The following CCR3 variants were observed in gnomAD, a reference collection of about 807,000 sequenced individuals.
CCR3 encodes the protein C-C chemokine receptor type 3.
For synonymous variants in CCR3, 203 were observed against 179.2 expected (o/e 1.13, Z -1.06); for missense variants, 419 against 437.5 (o/e 0.96, Z 0.38).
chr3:46,250,542 A>G (rs1423269087), intron 1 of CCR3, among the ~76,000 whole-genome samples: 3 of 152,116 alleles, frequency 2.0e-5, no homozygotes, highest in African/African-American at 4.8e-5. Flanking sequence ...ATTTTAAGAC[A>G]AGAATTATTT....
At chr3:46,235,217 G>T (rs1370649969) in intron 2 of CCR3, among the ~76,000 whole-genome samples, 1 of 152,036 alleles carries the variant, frequency 6.6e-6, no homozygotes, top group East Asian at 1.9e-4. Context: ...ATCTTAACTT[G>T]CTCAGATCCC....
At chr3:46,242,970 T>TGTAAAATTATATAC (rs1240975760) in intron 1 of CCR3, among the ~76,000 whole-genome samples, 1 of 106,102 alleles carries the variant, frequency 9.4e-6, no homozygotes, top group Non-Finnish European at 1.9e-5. Context: ...TGTGTATATA[T>TGTAAAATTATATAC]ATATATATAC....
chr3:46,253,302 T>C (rs1700353784), intron 1 of CCR3, among the ~76,000 whole-genome samples: 1 of 152,184 alleles, frequency 6.6e-6, no homozygotes, highest in African/African-American at 2.4e-5. Context: ...TGAGTGGTGG[T>C]TGAATTTGCA....
intron 2 of CCR3, among the ~76,000 whole-genome samples, chr3:46,214,819 G>A (rs1699755239): frequency 6.6e-6 from 1 of 152,120 alleles, no homozygotes; most frequent in South Asian, 2.1e-4. Flanking sequence ...ACAGTGAAGT[G>A]CTTAGCAGAA....
chr3:46,263,211 T>A (rs1700559254), intron 1 of CCR3, among the ~76,000 whole-genome samples: 1 of 152,228 alleles, frequency 6.6e-6, no homozygotes, highest in Non-Finnish European at 1.5e-5. Context: ...TGACCTGTTT[T>A]TAAATCACTC....
chr3:46,235,164 T>C (rs1439137428), intron 2 of CCR3, among the ~76,000 whole-genome samples: 2 of 152,228 alleles, frequency 1.3e-5, no homozygotes, highest in African/African-American at 4.8e-5. Flanking sequence ...TGTGGTTTAA[T>C]TAACAGGCTT....
chr3:46,235,707 G>T (rs2125925830), intron 2 of CCR3, among the ~76,000 whole-genome samples: 1 of 152,296 alleles, frequency 6.6e-6, no homozygotes, highest in South Asian at 2.1e-4. Context: ...CTGCATTCAA[G>T]CAAATAAGGA....
intron 2 of CCR3, among the ~76,000 whole-genome samples, chr3:46,228,137 C>T (rs183489759): frequency 1.3e-5 from 2 of 151,598 alleles, no homozygotes; most frequent in African/African-American, 4.8e-5. Flanking sequence ...CAAACTCTTT[C>T]CCACCTACTG....
chr3:46,242,341 A>T (rs964635406), upstream of CCR3: 4 of 152,164 alleles, frequency 2.6e-5, no homozygotes, highest in Non-Finnish European at 5.9e-5. Flanking sequence ...ACAGGAAGTT[A>T]TATACTTACA....
At chr3:46,254,406 G>T (rs1700375145) in intron 1 of CCR3, among the ~76,000 whole-genome samples, 2 of 152,116 alleles carry the variant, frequency 1.3e-5, no homozygotes, top group Non-Finnish European at 1.5e-5. Context: ...AAAGTGTAGG[G>T]ATTCCCACTT....
intron 1 of CCR3, among the ~76,000 whole-genome samples, chr3:46,244,554 G>A (rs1302054081): frequency 6.6e-6 from 1 of 152,192 alleles, no homozygotes; most frequent in Non-Finnish European, 1.5e-5. Context: ...TTGTTCTCTG[G>A]CGGGCAGGAG....
At position 46,264,467 on chromosome 3, in the gene CCR3, A is replaced by G. The variant is rs541912550; in HGVS notation, c.-11-681A>G. On this transcript the variant is annotated intron_variant, in intron 1 of 1. Transcript: ENST00000395940. Reference sequence around the variant, plus strand: ...GCCAGGTTCCTCAAGTCCGTAGCAAATTTTTCAAAAGTTAAATTTAAAAAT... The same window carrying G: ...GCCAGGTTCCTCAAGTCCGTAGCAAGTTTTTCAAAAGTTAAATTTAAAAAT... The G allele has an allele frequency of 3.9e-5, 59 of 1,511,730 alleles. No individual in the cohort carries two copies. The East Asian group carries it at 1.3e-3, about 33-fold the overall frequency. 93.6% of individuals were successfully genotyped at this position (1,511,730 alleles called of 1,614,324 possible).
At chr3:46,241,166 G>GCTCTCTCTCTCTCTCTCTCTCTCT (rs58133632), upstream of CCR3, among the ~76,000 whole-genome samples, 2 of 149,208 alleles carry the variant, frequency 1.3e-5, no homozygotes, top group Admixed American at 6.7e-5. Context: ...ATGTGTGTGC[G>GCTCTCTCTCTCTCTCTCTCTCTCT]CTCTCTCTCT....
At chr3:46,245,526 A>C (rs1700173058) in intron 1 of CCR3, among the ~76,000 whole-genome samples, 1 of 151,176 alleles carries the variant, frequency 6.6e-6, no homozygotes, top group South Asian at 2.1e-4. Flanking sequence ...ACAAAACAAA[A>C]CCTAAAATGA....
At position 46,252,919 on chromosome 3, in the gene CCR3, T is replaced by C. The variant is rs183290565; in HGVS notation, c.-12+10381T>C. Among the ~76,000 whole-genome samples, 8 of 151,420 alleles carry C rather than the reference T, an allele frequency of 5.3e-5. No individual in the cohort carries two copies. In the East Asian group the frequency reaches 1.4e-3, roughly 26 times the overall value. Reference sequence around the variant, plus strand: ...TTGGAGGGTTACATGACTCAGGGATTTAAAAAAAAAAAGTTCAAATTTAGG... The same window carrying C: ...TTGGAGGGTTACATGACTCAGGGATCTAAAAAAAAAAAGTTCAAATTTAGG... On this transcript the variant is annotated intron_variant, in intron 1 of 1. Transcript: ENST00000395940.
At chr3:46,249,071 A>G (rs1700256227) in intron 1 of CCR3, among the ~76,000 whole-genome samples, 1 of 152,120 alleles carries the variant, frequency 6.6e-6, no homozygotes, top group Admixed American at 6.5e-5. Context: ...GAGCAGGGTA[A>G]GGGTGATTAG....
At chr3:46,219,686 A>T (rs967227505) in intron 2 of CCR3, among the ~76,000 whole-genome samples, 1 of 152,130 alleles carries the variant, frequency 6.6e-6, no homozygotes, top group African/African-American at 2.4e-5. Context: ...AATAAAGCCA[A>T]ATACTTACAA....
intron 2 of CCR3, among the ~76,000 whole-genome samples, chr3:46,222,195 C>T (rs1175336351): frequency 2.6e-5 from 4 of 152,194 alleles, no homozygotes; most frequent in Non-Finnish European, 5.9e-5. Flanking sequence ...TGCCACACCA[C>T]CAATCCATAT....
intron 2 of CCR3, among the ~76,000 whole-genome samples, chr3:46,211,452 G>C (rs1699713433): frequency 6.6e-6 from 1 of 151,626 alleles, no homozygotes; most frequent in South Asian, 2.1e-4. Context: ...TCAAACTCAT[G>C]GGCTCTAGTG....
Sources: allele counts gnomAD v4.1 joint callset (sites outside exome capture counted in the v4.1 genomes callset), GRCh38; gene constraint gnomAD v4.1.1; transcripts MANE v1.5; gene names NCBI Gene and HGNC (gene_info 2026-07-23, HGNC 2026-07-21).